CHST8: variants seen among roughly 807,000 people sequenced by gnomAD.
CHST8 encodes GALNAC-4-ST1.
In CHST8, 10 loss-of-function variants were observed where a neutral mutation model predicts 15.0. That is an observed-to-expected ratio of 0.67 (90% confidence interval 0.41 to 1.13). The LOEUF (loss-of-function observed/expected upper bound fraction) is 1.13, where lower values mean the gene tolerates loss of function less well. CHST8 is among the 50% of genes most tolerant of loss of function. The pLI, the probability that CHST8 is intolerant of heterozygous loss-of-function variation, is 0.00. For synonymous variants in CHST8, 259 were observed against 256.6 expected, an observed-to-expected ratio of 1.01 and a Z score of -0.09; for missense variants, 634 against 608.2, an observed-to-expected ratio of 1.04 and a Z score of -0.45.
chr19:33,713,498 C>G (rs1973599974), intron 3 of CHST8, among the ~76,000 whole-genome samples: 1 of 152,152 alleles, frequency 6.6e-6, no homozygotes, highest in South Asian at 2.1e-4. Flanking sequence ...GAGCATATAG[C>G]TCTCAGGCAA....
chr19:33,646,247 A>T (rs555130991), intron 1 of CHST8, among the ~76,000 whole-genome samples: 2 of 152,284 alleles, frequency 1.3e-5, no homozygotes, highest in Non-Finnish European at 2.9e-5. Flanking sequence ...TTTGGTGGAC[A>T]GGGTACTAGG....
At chr19:33,623,803 T>G (rs1317358529) in intron 1 of CHST8, among the ~76,000 whole-genome samples, 1 of 152,022 alleles carries the variant, frequency 6.6e-6, no homozygotes, top group African/African-American at 2.4e-5. Context: ...CAGCAGGAGA[T>G]CCTCTTTTAA....
intron 3 of CHST8, among the ~76,000 whole-genome samples, chr19:33,766,701 C>T (rs1231117832): frequency 6.6e-6 from 1 of 152,212 alleles, no homozygotes; most frequent in Non-Finnish European, 1.5e-5. Flanking sequence ...AAGATGCAGT[C>T]GGGACCTTGC....
intron 3 of CHST8, among the ~76,000 whole-genome samples, chr19:33,691,410 A>C (rs1973097489): frequency 6.6e-6 from 1 of 152,196 alleles, no homozygotes; most frequent in East Asian, 1.9e-4. Flanking sequence ...AATCACACCA[A>C]ACACAGTCAT....
chr19:33,757,432 A>AG (rs1568358308), intron 3 of CHST8, among the ~76,000 whole-genome samples: 1 of 20,688 alleles, frequency 4.8e-5, no homozygotes. Context: ...GAAAGAAAGA[A>AG]AGAAAGAAAG....
chr19:33,678,280 G>C (rs188424870), intron 2 of CHST8, among the ~76,000 whole-genome samples: 1 of 152,332 alleles, frequency 6.6e-6, no homozygotes, highest in South Asian at 2.1e-4. Flanking sequence ...AGTGCTTCCA[G>C]GTCATTTGAA....
chr19:33,670,041 A>C (rs1278365522), intron 2 of CHST8, among the ~76,000 whole-genome samples: 3 of 152,218 alleles, frequency 2.0e-5, no homozygotes, highest in Non-Finnish European at 4.4e-5. Context: ...GTGTGTGTGA[A>C]TACAAGGGGA....
chr19:33,665,056 A>T (rs2145225740), intron 1 of CHST8, among the ~76,000 whole-genome samples: 1 of 152,304 alleles, frequency 6.6e-6, no homozygotes, highest in African/African-American at 2.4e-5. Flanking sequence ...GCCGCAATAA[A>T]CGTGGGAGTG....
intron 3 of CHST8, among the ~76,000 whole-genome samples, chr19:33,721,101 G>A (rs889509678): frequency 3.9e-5 from 6 of 152,194 alleles, no homozygotes; most frequent in African/African-American, 1.2e-4. Context: ...AATCACAAGG[G>A]AATCGTTCAT....
rs567169665 is a variant in CHST8 at position 33,680,560 on chromosome 19, C to T, written c.-86-8616C>T. Among the ~76,000 whole-genome samples, 10 of 152,300 alleles carry T rather than the reference C, an allele frequency of 6.6e-5. No homozygotes were observed. In the South Asian group the frequency reaches 1.7e-3, roughly 25 times the overall value. On this transcript the variant is annotated intron_variant, in intron 2 of 4. Transcript: ENST00000650847. ...AAATACTCTTTTATCATAATCACCA[C>T]GTATCCACAGGGTAATTCATAAAAG... is the stretch of plus-strand genomic sequence containing the variant.
chr19:33,664,510 T>C (rs971463894), intron 1 of CHST8, among the ~76,000 whole-genome samples: 1 of 146,102 alleles, frequency 6.8e-6, no homozygotes. Flanking sequence ...TTCTCATTGT[T>C]CAATTCCCAC....
At chr19:33,730,925 C>A (rs1035001318) in intron 3 of CHST8, among the ~76,000 whole-genome samples, 1 of 152,118 alleles carries the variant, frequency 6.6e-6, no homozygotes, top group Admixed American at 6.6e-5. Flanking sequence ...GTCCGATGTT[C>A]GAGGGCAGGA....
Position 33,687,604 on chromosome 19 carries a change from C to T in CHST8, c.-86-1572C>T, listed in dbSNP as rs143343337. 4.8e-4 allele frequency among the ~76,000 whole-genome samples: 73 copies of T among 152,196 alleles called. 1 individual carries two copies. Among genetic ancestry groups the T allele is most frequent in the African/African-American group, 1.6e-3 (66 of 41,536 alleles). Reference sequence around the variant, plus strand: ...CCCAGCGTCAGGTGCCTTCCCGGTGCGGAGAGGCCTGGGGCGGGTTAATTA... The same window carrying T: ...CCCAGCGTCAGGTGCCTTCCCGGTGTGGAGAGGCCTGGGGCGGGTTAATTA... On this transcript the variant is annotated intron_variant, in intron 2 of 4. Coordinates refer to ENST00000650847, the MANE Select transcript of CHST8 (RefSeq NM_001127895.2).
chr19:33,680,984 T>C (rs1292265553), intron 2 of CHST8, among the ~76,000 whole-genome samples: 3 of 152,204 alleles, frequency 2.0e-5, no homozygotes, highest in Non-Finnish European at 4.4e-5. Flanking sequence ...CTTTCCCCAA[T>C]TGTAACGGTT....
At chr19:33,738,643 G>A (rs770823142) in intron 3 of CHST8, among the ~76,000 whole-genome samples, 1 of 152,160 alleles carries the variant, frequency 6.6e-6, no homozygotes, top group Non-Finnish European at 1.5e-5. Flanking sequence ...AGGCTGGAGT[G>A]CAGTGGTACG....
intron 3 of CHST8, among the ~76,000 whole-genome samples, chr19:33,743,831 G>A (rs1236314548): frequency 2.1e-5 from 3 of 145,426 alleles, no homozygotes; most frequent in African/African-American, 5.1e-5. Flanking sequence ...TCACTCTGTC[G>A]ACCAGGCTGG....
At chr19:33,762,519 G>T (rs1974754813) in intron 3 of CHST8, among the ~76,000 whole-genome samples, 1 of 152,254 alleles carries the variant, frequency 6.6e-6, no homozygotes, top group Non-Finnish European at 1.5e-5. Context: ...AGAGCCGTCA[G>T]GCGCTCATCG....
intron 1 of CHST8, among the ~76,000 whole-genome samples, chr19:33,661,828 C>T (rs1035493201): frequency 7.7e-5 from 11 of 142,502 alleles, no homozygotes; most frequent in Admixed American, 2.2e-4. Flanking sequence ...GCCAGGAGTT[C>T]GAGACCACCC....
intron 3 of CHST8, among the ~76,000 whole-genome samples, chr19:33,740,703 G>A (rs1053228847): frequency 1.3e-5 from 2 of 152,182 alleles, no homozygotes; most frequent in East Asian, 3.8e-4. Context: ...CCCCACTAGA[G>A]AGTAAACCTC....
Sources: allele counts gnomAD v4.1 joint callset (sites outside exome capture counted in the v4.1 genomes callset), GRCh38; gene constraint gnomAD v4.1.1; transcripts MANE v1.5; gene names NCBI Gene and HGNC (gene_info 2026-07-23, HGNC 2026-07-21).